Variants in GLRA3 observed in about 807,000 individuals in gnomAD.
The protein encoded by GLRA3 is glycine receptor subunit alpha-3.
GLRA3 carries 44 observed loss-of-function variants against 60.4 expected under a neutral mutation model. The ratio of observed to expected loss-of-function variants is 0.73; its 90% CI spans 0.57 to 0.94. The LOEUF is 0.94. Ranked by LOEUF, GLRA3 falls within the 40% of genes least tolerant of loss-of-function variation. The pLI is 0.00. For synonymous variants in GLRA3, 223 were observed against 192.9 expected (o/e 1.16, Z -1.29); for missense variants, 508 against 564.6 (o/e 0.90, Z 1.02).
At chr4:174,772,835 T>A (rs6830550) in intron 2 of GLRA3, among the ~76,000 whole-genome samples, 11 of 151,902 alleles carry the variant, frequency 7.2e-5, no homozygotes, top group Non-Finnish European at 1.6e-4. Flanking sequence ...GATAATAGTC[T>A]GGGATGGGGA....
intron 1 of GLRA3, among the ~76,000 whole-genome samples, chr4:174,799,736 T>C (rs1442819645): frequency 6.6e-6 from 1 of 152,142 alleles, no homozygotes; most frequent in Non-Finnish European, 1.5e-5. Context: ...AACTTACCTC[T>C]CTAAATAAAT....
intron 1 of GLRA3, among the ~76,000 whole-genome samples, chr4:174,798,315 GA>G (rs909258118): frequency 4.0e-5 from 6 of 151,804 alleles, no homozygotes; most frequent in Admixed American, 6.6e-5. Flanking sequence ...GGGCCCTTGT[GA>G]AAAAAAATTT....
At chr4:174,813,091 C>T (rs1008664755) in intron 1 of GLRA3, among the ~76,000 whole-genome samples, 6 of 152,156 alleles carry the variant, frequency 3.9e-5, no homozygotes, top group African/African-American at 1.4e-4. Context: ...TATAAGCCAA[C>T]ACTGCCAACC....
At chr4:174,824,932 T>G (rs1578946362) in intron 1 of GLRA3, among the ~76,000 whole-genome samples, 1 of 152,196 alleles carries the variant, frequency 6.6e-6, no homozygotes, top group African/African-American at 2.4e-5. Context: ...TAAATCTTGT[T>G]AAATTGCTTA....
chr4:174,723,996 C>G (rs1736224141), intron 4 of GLRA3, among the ~76,000 whole-genome samples: 1 of 151,058 alleles, frequency 6.6e-6, no homozygotes, highest in African/African-American at 2.4e-5. Context: ...TAAACTTCTT[C>G]TATAGACATA....
intron 4 of GLRA3, among the ~76,000 whole-genome samples, chr4:174,721,505 A>G (rs1455866318): frequency 1.3e-5 from 2 of 151,480 alleles, no homozygotes; most frequent in African/African-American, 4.8e-5. Context: ...AGTAATAATT[A>G]TGTTACAAAT....
At position 174,825,495 on chromosome 4, in the gene GLRA3, A is replaced by G. The variant is rs532901464; in HGVS notation, c.71+3246T>C. 5.3e-5 allele frequency among the ~76,000 whole-genome samples: 8 copies of G among 152,244 alleles called. No homozygotes were observed. The East Asian group carries it at 1.5e-3, about 29-fold the overall frequency. On this transcript the variant is annotated intron_variant, in intron 1 of 9. Coordinates refer to ENST00000274093, the MANE Select transcript of GLRA3 (RefSeq NM_006529.4). ...CAATACTGTGTTGATATCAACTTGT[A>G]AAGATGAAAAATTAAATGATATGGC...
chr4:174,770,999 A>G (rs6812011), intron 2 of GLRA3, among the ~76,000 whole-genome samples: 112,352 of 150,196 alleles, frequency 0.75, 42,324 homozygotes, highest in East Asian at 1. Flanking sequence ...ACCAAAAACC[A>G]CATGTTCTCA....
At chr4:174,656,688 C>G in intron 9 of GLRA3, 55 bp downstream of exon 9, 1 of 956,906 alleles carries the variant, frequency 1.0e-6, no homozygotes, top group East Asian at 2.4e-5. Flanking sequence ...AATATGCTGT[C>G]TGCTTTTTAC....
At chr4:174,711,931 T>C (rs1371496313) in intron 5 of GLRA3, among the ~76,000 whole-genome samples, 1 of 152,194 alleles carries the variant, frequency 6.6e-6, no homozygotes, top group Non-Finnish European at 1.5e-5. Flanking sequence ...TGTTGGGTCT[T>C]AATATTTGTT....
At chr4:174,791,507 A>G (rs1296443588) in intron 1 of GLRA3, among the ~76,000 whole-genome samples, 8 of 152,158 alleles carry the variant, frequency 5.3e-5, no homozygotes, top group Non-Finnish European at 1.2e-4. Flanking sequence ...CATGTCTGTC[A>G]TGCTGCTTTT....
chr4:174,700,456 T>C (rs1026111282), intron 5 of GLRA3, among the ~76,000 whole-genome samples: 5 of 152,172 alleles, frequency 3.3e-5, no homozygotes, highest in African/African-American at 1.2e-4. Flanking sequence ...TAATTGTTTT[T>C]GGGTGCTACA....
At chr4:174,785,227 A>G (rs1739075952) in intron 2 of GLRA3, among the ~76,000 whole-genome samples, 1 of 152,140 alleles carries the variant, frequency 6.6e-6, no homozygotes, top group African/African-American at 2.4e-5. Context: ...TAAGTAAAAA[A>G]ATCTACTTCT....
intron 2 of GLRA3, among the ~76,000 whole-genome samples, chr4:174,787,826 A>G (rs1739178968): frequency 6.6e-6 from 1 of 152,090 alleles, no homozygotes; most frequent in Admixed American, 6.6e-5. Flanking sequence ...AACTCATTTT[A>G]AAATTGAAGC....
At chr4:174,787,189 T>C (rs1429407342) in intron 2 of GLRA3, among the ~76,000 whole-genome samples, 4 of 152,152 alleles carry the variant, frequency 2.6e-5, no homozygotes, top group African/African-American at 9.6e-5. Context: ...TCTGCAGTTT[T>C]ATTAAAATAA....
intron 3 of GLRA3, among the ~76,000 whole-genome samples, chr4:174,744,280 C>G (rs1737144785): frequency 6.6e-6 from 1 of 152,262 alleles, no homozygotes; most frequent in Non-Finnish European, 1.5e-5. Flanking sequence ...AACGCAATCA[C>G]CTACGTGGCC....
At chr4:174,725,192 C>T (rs538267588) in intron 4 of GLRA3, among the ~76,000 whole-genome samples, 1 of 152,182 alleles carries the variant, frequency 6.6e-6, no homozygotes, top group Non-Finnish European at 1.5e-5. Flanking sequence ...TTCCCAGGCC[C>T]CACGGCCAAT....
intron 5 of GLRA3, among the ~76,000 whole-genome samples, chr4:174,702,246 A>T (rs1479194614): frequency 6.6e-6 from 1 of 152,230 alleles, no homozygotes; most frequent in Non-Finnish European, 1.5e-5. Context: ...CTCCACCAGG[A>T]AAATGATTAT....
intron 2 of GLRA3, among the ~76,000 whole-genome samples, chr4:174,788,069 A>T (rs1232940658): frequency 6.7e-6 from 1 of 149,954 alleles, no homozygotes; most frequent in Non-Finnish European, 1.5e-5. Flanking sequence ...TATGTTCTTT[A>T]ACTTTGTTTA....
Sources: allele counts gnomAD v4.1 joint callset (sites outside exome capture counted in the v4.1 genomes callset), GRCh38; gene constraint gnomAD v4.1.1; transcripts MANE v1.5; gene names NCBI Gene and HGNC (gene_info 2026-07-23, HGNC 2026-07-21).